The following RGPD3 variants were observed in gnomAD, a reference collection of about 807,000 sequenced individuals.
RGPD3 encodes ranBP2-like and GRIP domain-containing protein 3.
RGPD3 carries 62 observed loss-of-function variants against 154.5 expected under a neutral mutation model. That is an observed-to-expected ratio of 0.40 (90% confidence interval 0.33 to 0.50). The LOEUF is 0.50. RGPD3 is among the 20% of genes least tolerant of loss of function. The pLI is 0.59. For missense variants in RGPD3, 919 were observed against 1,716.8 expected (o/e 0.54, Z 8.21); for synonymous variants, 308 against 607.0 (o/e 0.51, Z 7.24).
At chr2:106,446,746 G>A (rs1394728799) in intron 7 of RGPD3, among the ~76,000 whole-genome samples, 70 of 150,172 alleles carry the variant, frequency 4.7e-4, no homozygotes, top group Non-Finnish European at 1.6e-4. Flanking sequence ...GCTGGGCTTG[G>A]TAGCACGGGC....
At chr2:106,439,911 T>C in intron 8 of RGPD3, among the ~76,000 whole-genome samples, 1 of 132,580 alleles carries the variant, frequency 7.5e-6, no homozygotes, top group Non-Finnish European at 1.6e-5. Flanking sequence ...TTCCCAGAGA[T>C]TTTTATGCCA....
chr2:106,406,971 T>C (rs1263967084), intron 22 of RGPD3, among the ~76,000 whole-genome samples: 102 of 152,088 alleles, frequency 6.7e-4, no homozygotes, highest in Admixed American at 6.7e-3. Context: ...TACTACAAAC[T>C]TAGTACCTTA....
At chr2:106,412,233 G>C (rs948144987) in intron 22 of RGPD3, among the ~76,000 whole-genome samples, 1 of 129,962 alleles carries the variant, frequency 7.7e-6, no homozygotes, top group African/African-American at 2.9e-5. Context: ...TTTCAAAGAA[G>C]TTAATGACAT....
chr2:106,415,339 A>C (rs928662437), intron 21 of RGPD3, among the ~76,000 whole-genome samples: 1 of 151,998 alleles, frequency 6.6e-6, no homozygotes, highest in African/African-American at 2.4e-5. Context: ...ACGGTTTCTT[A>C]GGAAAAGTAG....
chr2:106,425,025 C>G lies in RGPD3; in HGVS notation c.2942G>C (p.Gly981Ala), dbSNP rs1198070597. ...TTTTTTGCCAAACTGAAATCCTTCT[C>G]CTGAAGTTGATTTTGCAACATCTGC... ...TFADVAKSTS[G>A]EGFQFGKKDL... is the part of the protein sequence containing the mutation. Residue 981 changes from glycine to alanine, a missense_variant, in exon 20 of 23, where the codon GGA becomes GCA. Gly to Ala is a moderately conservative substitution (Grantham distance 60, BLOSUM62 0). Coordinates refer to ENST00000409886, the MANE Select transcript of RGPD3 (RefSeq NM_001144013.2). The G allele has an allele frequency of 6.2e-7, 1 of 1,611,770 alleles. No homozygotes were observed.
In RGPD3 at chr2:106,405,149, T is replaced by C. The variant is rs1676467402; in HGVS notation, c.*70A>G. ...TTTATTTGGTTAATAAAAACATTCCTTCCATCAACCTATCGAAGTCCAAAC... is the reference window on the plus strand; with the variant it reads ...TTTATTTGGTTAATAAAAACATTCCCTCCATCAACCTATCGAAGTCCAAAC... On this transcript the variant is annotated 3_prime_UTR_variant, in exon 23 of 23. Coordinates refer to ENST00000409886, the MANE Select transcript of RGPD3 (RefSeq NM_001144013.2). 2 of 1,598,382 alleles carry C rather than the reference T, an allele frequency of 1.3e-6. No homozygotes were observed. The highest frequency in any genetic ancestry group is 1.7e-6 in the Non-Finnish European group (2 of 1,172,658).
chr2:106,409,502 A>G (rs1055824721), intron 22 of RGPD3, among the ~76,000 whole-genome samples: 10 of 152,156 alleles, frequency 6.6e-5, no homozygotes, highest in Non-Finnish European at 1.3e-4. Context: ...AGTACATGAG[A>G]CAGTATTACA....
intron 22 of RGPD3, among the ~76,000 whole-genome samples, chr2:106,408,607 C>T (rs143396539): frequency 0.11 from 13,811 of 131,466 alleles, 1,129 homozygotes; most frequent in East Asian, 0.19. Context: ...AATTGCTTAT[C>T]CTTAGTAGAT....
chr2:106,468,347 G>T lies in RGPD3; in HGVS notation c.-59C>A, dbSNP rs544176112. The T allele has an allele frequency of 2.6e-6, 4 of 1,558,528 alleles. No individual in the cohort carries two copies. The highest frequency in any genetic ancestry group is 4.8e-5 in the East Asian group (2 of 41,626). ...ACCAGCGCTCAGCCCCGCAGCAGTCGCCAATTCCAAGAGGAAAGCGCCTGA... is the reference window on the plus strand; with the variant it reads ...ACCAGCGCTCAGCCCCGCAGCAGTCTCCAATTCCAAGAGGAAAGCGCCTGA... On this transcript the variant is annotated 5_prime_UTR_variant, in exon 1 of 23. Transcript: ENST00000409886.
At chr2:106,463,989 G>A (rs1184133361) in intron 1 of RGPD3, among the ~76,000 whole-genome samples, 2 of 152,206 alleles carry the variant, frequency 1.3e-5, no homozygotes, top group African/African-American at 4.8e-5. Context: ...AGTACTGAAA[G>A]AATGAGGGGC....
At chr2:106,429,465 CT>C (rs1246474561) in intron 18 of RGPD3, among the ~76,000 whole-genome samples, 180 bp downstream of exon 18, 1 of 149,534 alleles carries the variant, frequency 6.7e-6, no homozygotes, top group African/African-American at 2.5e-5. Context: ...CTCGTTTTTT[CT>C]GCTTGGGATT....
At chr2:106,446,297 TG>T (rs1677926723) in intron 7 of RGPD3, among the ~76,000 whole-genome samples, 1 of 137,850 alleles carries the variant, frequency 7.3e-6, no homozygotes, top group South Asian at 2.3e-4. Flanking sequence ...CTGGGCATGG[TG>T]GCTCACGCCT....
At chr2:106,413,686 G>T (rs954306716) in intron 21 of RGPD3, among the ~76,000 whole-genome samples, 6 of 152,134 alleles carry the variant, frequency 3.9e-5, no homozygotes, top group Admixed American at 3.9e-4. Flanking sequence ...GACACATCAA[G>T]AAATTCTCAC....
chr2:106,428,697 A>G (rs1046403116), intron 18 of RGPD3, among the ~76,000 whole-genome samples: 10 of 151,672 alleles, frequency 6.6e-5, no homozygotes, highest in East Asian at 1.9e-4. Context: ...GAGAGAGAGA[A>G]AAAAAAGGGC....
chr2:106,404,370 A>G lies in RGPD3; in HGVS notation c.*849T>C, dbSNP rs1449284493. Among the ~76,000 whole-genome samples, 2 of 149,580 alleles carry G rather than the reference A, an allele frequency of 1.3e-5. No individual in the cohort carries two copies. The highest frequency in any genetic ancestry group is 5.0e-5 in the African/African-American group (2 of 40,092). The stretch of plus-strand genomic sequence containing the variant: ...AGTCAGTGTTACACTAGCCAGCTCT[A>G]GGGCTCTGACAACATAATGAGTTTT... On this transcript the variant is annotated 3_prime_UTR_variant, in exon 23 of 23. Coordinates refer to ENST00000409886, the MANE Select transcript of RGPD3 (RefSeq NM_001144013.2).
intron 17 of RGPD3, among the ~76,000 whole-genome samples, chr2:106,431,391 G>C (rs879273629): frequency 2.1e-5 from 3 of 145,232 alleles, no homozygotes; most frequent in Non-Finnish European, 3.0e-5. Context: ...AGTGTGATGA[G>C]AACTGGCTTC....
At chr2:106,449,133 A>C (rs997988135) in intron 6 of RGPD3, among the ~76,000 whole-genome samples, 8 of 151,818 alleles carry the variant, frequency 5.3e-5, no homozygotes, top group Non-Finnish European at 1.0e-4. Flanking sequence ...TTTTCTGACT[A>C]CTTTTTTGCT....
chr2:106,438,649 G>C (rs1372830406), intron 9 of RGPD3, among the ~76,000 whole-genome samples: 1 of 152,058 alleles, frequency 6.6e-6, no homozygotes, highest in African/African-American at 2.4e-5. Context: ...CGGGCGTGGT[G>C]GTGGGCATTT....
intron 22 of RGPD3, chr2:106,412,758 T>C (rs1450508495): frequency 3.9e-6 from 2 of 508,088 alleles, no homozygotes; most frequent in Non-Finnish European, 7.5e-6. Context: ...TAATAAATGT[T>C]TTTTAAAAAG....
Sources: gnomAD v4.1 joint callset for allele counts (sites outside exome capture counted in the v4.1 genomes callset) on GRCh38, gnomAD v4.1.1 for gene constraint, MANE v1.5 for transcripts, NCBI Gene and HGNC (gene_info 2026-07-23, HGNC 2026-07-21) for gene names.